The following CDH9 variants were observed in gnomAD, a reference collection of about 807,000 sequenced individuals.
CDH9 encodes the protein cadherin-9.
Under a neutral mutation model 70.9 loss-of-function variants are expected in CDH9, and 28 were observed. The ratio of observed to expected loss-of-function variants is 0.40; its 90% CI spans 0.29 to 0.54. The LOEUF (loss-of-function observed/expected upper bound fraction) is 0.54. Among genes scored for constraint, CDH9 ranks in the 20% least tolerant of loss-of-function variants. CDH9 has a pLI of 0.59. For missense variants in CDH9, 874 were observed against 984.4 expected (o/e 0.89, Z 1.50); for synonymous variants, 409 against 343.1 (o/e 1.19, Z -2.12).
intron 1 of CDH9, among the ~76,000 whole-genome samples, chr5:27,023,272 T>C (rs541464709): frequency 1.2e-4 from 19 of 152,170 alleles, no homozygotes; most frequent in Non-Finnish European, 2.6e-4. Context: ...AATAGACACT[T>C]TGCATAAATC....
chr5:26,907,150 A>G (rs1343928986), intron 3 of CDH9, among the ~76,000 whole-genome samples: 1 of 152,150 alleles, frequency 6.6e-6, no homozygotes, highest in Admixed American at 6.5e-5. Flanking sequence ...CATTCTTAAA[A>G]TGAATATAAC....
intron 9 of CDH9, among the ~76,000 whole-genome samples, 158 bp from the exon 10 acceptor site, chr5:26,886,241 T>A (rs1220784361): frequency 1.3e-5 from 2 of 152,196 alleles, no homozygotes; most frequent in African/African-American, 4.8e-5. Context: ...GCCAATGTCT[T>A]ATTTTTTACA....
chr5:26,883,341 G>C (rs1740504531), intron 11 of CDH9, among the ~76,000 whole-genome samples: 3 of 151,450 alleles, frequency 2.0e-5, no homozygotes, highest in Admixed American at 6.6e-5. Flanking sequence ...TCCCACAAAT[G>C]GTCCTTAGAA....
At chr5:27,022,275 G>GT (rs998053706) in intron 1 of CDH9, among the ~76,000 whole-genome samples, 4 of 151,858 alleles carry the variant, frequency 2.6e-5, no homozygotes, top group East Asian at 3.9e-4. Flanking sequence ...CACAAATTGA[G>GT]TTTTTTTAAA....
At chr5:26,920,856 G>T (rs1741232168) in intron 2 of CDH9, among the ~76,000 whole-genome samples, 1 of 152,148 alleles carries the variant, frequency 6.6e-6, no homozygotes, top group African/African-American at 2.4e-5. Context: ...CAACACCCAT[G>T]TTCCTTCAAA....
At chr5:26,981,308 C>T (rs538627130) in intron 2 of CDH9, among the ~76,000 whole-genome samples, 1 of 152,090 alleles carries the variant, frequency 6.6e-6, no homozygotes, top group South Asian at 2.1e-4. Flanking sequence ...TACATTTAAC[C>T]GATGCACATC....
At chr5:26,977,150 A>T (rs1013418569) in intron 2 of CDH9, among the ~76,000 whole-genome samples, 1 of 152,044 alleles carries the variant, frequency 6.6e-6, no homozygotes, top group African/African-American at 2.4e-5. Context: ...TTTCTAACTT[A>T]AATTCAAAAT....
chr5:26,942,482 G>T (rs1741679181), intron 2 of CDH9, among the ~76,000 whole-genome samples: 1 of 152,082 alleles, frequency 6.6e-6, no homozygotes, highest in Non-Finnish European at 1.5e-5. Context: ...CCACAGTGAG[G>T]CTAAGCTTCA....
chr5:26,898,119 A>T (rs910390319), intron 7 of CDH9, among the ~76,000 whole-genome samples: 2 of 152,164 alleles, frequency 1.3e-5, no homozygotes, highest in Non-Finnish European at 2.9e-5. Context: ...CTTACAAGGG[A>T]TGTGAAGTAC....
intron 2 of CDH9, among the ~76,000 whole-genome samples, chr5:26,936,904 A>G (rs554372387): frequency 6.6e-6 from 1 of 152,168 alleles, no homozygotes; most frequent in East Asian, 1.9e-4. Context: ...TTTAGATAAT[A>G]GACTTAAAAG....
At chr5:26,968,837 A>G (rs912482010) in intron 2 of CDH9, among the ~76,000 whole-genome samples, 1 of 152,192 alleles carries the variant, frequency 6.6e-6, no homozygotes, top group African/African-American at 2.4e-5. Flanking sequence ...ATATAAAAGC[A>G]ATATGCAAAT....
At chr5:26,990,346 T>G (rs73076025) in intron 1 of CDH9, among the ~76,000 whole-genome samples, 34 of 152,300 alleles carry the variant, frequency 2.2e-4, no homozygotes, top group African/African-American at 8.2e-4. Flanking sequence ...TAAAAATTGG[T>G]CACTCTTAGC....
chr5:27,012,888 T>C (rs1457039029), intron 1 of CDH9, among the ~76,000 whole-genome samples: 2 of 152,128 alleles, frequency 1.3e-5, no homozygotes, highest in Non-Finnish European at 2.9e-5. Context: ...AAAGCCCATC[T>C]GAAAATGAGC....
chr5:26,915,358 C>T (rs16896371), intron 3 of CDH9, among the ~76,000 whole-genome samples: 81 of 151,738 alleles, frequency 5.3e-4, no homozygotes, highest in Admixed American at 3.7e-3. Context: ...CACTTGACTG[C>T]CATTTGAATG....
At chr5:26,927,689 G>A (rs1274453295) in intron 2 of CDH9, among the ~76,000 whole-genome samples, 8 of 152,004 alleles carry the variant, frequency 5.3e-5, no homozygotes, top group African/African-American at 7.3e-5. Flanking sequence ...TTTTGCACTA[G>A]ATTCTCTGCT....
intron 1 of CDH9, among the ~76,000 whole-genome samples, chr5:27,014,417 T>C (rs895926366): frequency 4.6e-5 from 7 of 152,088 alleles, no homozygotes; most frequent in Admixed American, 2.6e-4. Context: ...CTAGGGATCC[T>C]GTGAAAGCTG....
intron 1 of CDH9, among the ~76,000 whole-genome samples, chr5:27,009,900 TG>T (rs1389902065): frequency 2.0e-5 from 3 of 152,124 alleles, no homozygotes; most frequent in African/African-American, 7.2e-5. Context: ...GACTTTGCTG[TG>T]TCTATTAAAT....
At chr5:27,028,547 G>A (rs1743258923) in intron 1 of CDH9, among the ~76,000 whole-genome samples, 1 of 151,952 alleles carries the variant, frequency 6.6e-6, no homozygotes, top group Non-Finnish European at 1.5e-5. Flanking sequence ...ATGAAAAAGG[G>A]CATGAAGTCA....
At chr5:27,030,212 A>G (rs1039721688) in intron 1 of CDH9, among the ~76,000 whole-genome samples, 2 of 151,800 alleles carry the variant, frequency 1.3e-5, no homozygotes, top group African/African-American at 4.8e-5. Flanking sequence ...ACAATACTCA[A>G]CTCCCTGTAA....
Sources: gnomAD v4.1 joint callset for allele counts (sites outside exome capture counted in the v4.1 genomes callset) on GRCh38, gnomAD v4.1.1 for gene constraint, MANE v1.5 for transcripts, NCBI Gene and HGNC (gene_info 2026-07-23, HGNC 2026-07-21) for gene names.